FGD4: variants seen among roughly 807,000 people sequenced by gnomAD.
FGD4 encodes the protein FYVE, RhoGEF and PH domain-containing protein 4.
In FGD4, 42 loss-of-function variants were observed where a neutral mutation model predicts 102.0. The ratio of observed to expected loss-of-function variants is 0.41; its 90% CI spans 0.32 to 0.53. The LOEUF (loss-of-function observed/expected upper bound fraction) is 0.53. FGD4 is among the 20% of genes least tolerant of loss of function. The pLI, the probability that FGD4 is intolerant of heterozygous loss-of-function variation, is 0.21. For missense variants in FGD4, 902 were observed against 1,078.2 expected (o/e 0.84, Z 2.29); for synonymous variants, 380 against 375.7 (o/e 1.01, Z -0.13).
At chr12:32,412,382 A>G (rs939536807) in intron 1 of FGD4, among the ~76,000 whole-genome samples, 1 of 152,176 alleles carries the variant, frequency 6.6e-6, no homozygotes, top group African/African-American at 2.4e-5. Context: ...TCTATTCCTA[A>G]TACCTGTTGA....
intron 1 of FGD4, among the ~76,000 whole-genome samples, chr12:32,408,944 C>T (rs913679617): frequency 1.5e-4 from 23 of 152,138 alleles, no homozygotes; most frequent in Non-Finnish European, 2.9e-5. Context: ...CCCATCTGCC[C>T]TCTGGGAAGG....
rs1951122085 is a variant in FGD4 at position 32,640,798 on chromosome 12, T to G, written c.*265T>G. ...TATGTGCTTTTTTGTCTTGAAGAAA[T>G]GGTGTATCAATTGATTCTGTCACCG... On this transcript the variant is annotated 3_prime_UTR_variant, in exon 17 of 17. Transcript: ENST00000534526. 5.0e-6 allele frequency: 3 copies of G among 603,962 alleles called. No homozygotes were observed. The highest frequency in any genetic ancestry group is 8.8e-6 in the Non-Finnish European group (3 of 342,670). The allele number at this position is 603,962 out of a possible 1,614,324, so 37.4% of individuals were successfully genotyped here. A position where few individuals can be genotyped will look rare whatever the true frequency, so the allele number is the denominator to read the frequency against.
chr12:32,579,595 A>G (rs1048109236), intron 3 of FGD4: 1 of 152,254 alleles, frequency 6.6e-6, no homozygotes, highest in East Asian at 1.9e-4. Flanking sequence ...AATTTGTTTC[A>G]GAGGATCTGT....
At chr12:32,474,554 A>G (rs1237478488) in intron 1 of FGD4, among the ~76,000 whole-genome samples, 1 of 152,178 alleles carries the variant, frequency 6.6e-6, no homozygotes, top group Non-Finnish European at 1.5e-5. Flanking sequence ...TATAGACAGA[A>G]AGATTAGCGT....
intron 8 of FGD4, 59 bp from the exon 9 acceptor site, chr12:32,610,717 A>G (rs1949084474): frequency 2.7e-6 from 4 of 1,478,106 alleles, no homozygotes; most frequent in East Asian, 2.3e-5. Context: ...TTACTCAGCT[A>G]TATAGAAGCA....
rs906938970 is a variant in FGD4, at chr12:32,642,810, TAAAG to T, written c.*2280_*2283del. The T allele has an allele frequency of 3.9e-5, 6 of 152,440 alleles. No individual in the cohort carries two copies. Among genetic ancestry groups the T allele is most frequent in the African/African-American group, 1.4e-4 (6 of 41,446 alleles). The allele number at this position is 152,440 out of a possible 1,614,324, so 9.4% of individuals were successfully genotyped here. Reference sequence around the variant, plus strand: ...ACAGCCTTACCCGCTTCTCTCTTATTAAAGAATCACTGATGTTTTTACTCAATGA... The same window carrying T: ...ACAGCCTTACCCGCTTCTCTCTTATTAATCACTGATGTTTTTACTCAATGA... On this transcript the variant is annotated 3_prime_UTR_variant, in exon 17 of 17. Coordinates refer to ENST00000534526, the MANE Select transcript of FGD4 (RefSeq NM_001370298.3).
chr12:32,636,714 A>C (rs1950839498), intron 15 of FGD4, among the ~76,000 whole-genome samples: 1 of 152,030 alleles, frequency 6.6e-6, no homozygotes, highest in African/African-American at 2.4e-5. Flanking sequence ...AACATAAACC[A>C]TTTGCAGACC....
intron 1 of FGD4, among the ~76,000 whole-genome samples, chr12:32,441,167 G>A (rs1422538226): frequency 1.3e-5 from 2 of 152,168 alleles, no homozygotes; most frequent in Non-Finnish European, 2.9e-5. Flanking sequence ...TACCTAAGGT[G>A]CAAGATGAAG....
chr12:32,547,935 ACCTCAAGTGAT>A (rs1243644648), intron 1 of FGD4, among the ~76,000 whole-genome samples: 1 of 152,146 alleles, frequency 6.6e-6, no homozygotes, highest in Non-Finnish European at 1.5e-5. Flanking sequence ...CAAACTGCTG[ACCTCAAGTGAT>A]CCACCTGCCT....
At chr12:32,447,193 T>C (rs1282858550) in intron 1 of FGD4, among the ~76,000 whole-genome samples, 2 of 152,226 alleles carry the variant, frequency 1.3e-5, no homozygotes, top group Non-Finnish European at 2.9e-5. Context: ...TTTTTCTGTG[T>C]AGTGGAGCTG....
chr12:32,441,196 C>A (rs547942631), intron 1 of FGD4, among the ~76,000 whole-genome samples: 1 of 152,142 alleles, frequency 6.6e-6, no homozygotes, highest in Non-Finnish European at 1.5e-5. Context: ...ACTTTTCCCT[C>A]TGCTTTTCTC....
At chr12:32,613,232 G>A (rs959529725) in intron 10 of FGD4, among the ~76,000 whole-genome samples, 5 of 152,158 alleles carry the variant, frequency 3.3e-5, no homozygotes, top group African/African-American at 2.4e-5. Context: ...TGGGGGCTTA[G>A]AGGCTTCTGT....
intron 1 of FGD4, among the ~76,000 whole-genome samples, chr12:32,473,813 C>T (rs547645112): frequency 6.6e-6 from 1 of 151,978 alleles, no homozygotes; most frequent in Non-Finnish European, 1.5e-5. Context: ...GTGGACCGGG[C>T]GCGGTGGCTC....
At chr12:32,619,499 G>C (rs906704907) in intron 10 of FGD4, among the ~76,000 whole-genome samples, 199 bp from the exon 11 acceptor site, 3 of 152,142 alleles carry the variant, frequency 2.0e-5, no homozygotes, top group African/African-American at 7.2e-5. Flanking sequence ...GGACGTGGTG[G>C]CGGGTGCCTG....
chr12:32,458,877 A>G (rs533633434), intron 1 of FGD4, among the ~76,000 whole-genome samples: 6 of 152,350 alleles, frequency 3.9e-5, no homozygotes, highest in South Asian at 2.1e-4. Flanking sequence ...TAGGGATACA[A>G]TCCTCATTTT....
chr12:32,543,506 A>G (rs1943002027), intron 1 of FGD4, among the ~76,000 whole-genome samples: 1 of 152,192 alleles, frequency 6.6e-6, no homozygotes, highest in Admixed American at 6.5e-5. Flanking sequence ...GAGGCTACCT[A>G]GGGTTACGCC....
At chr12:32,482,795 A>C (rs2136550025) in intron 1 of FGD4, among the ~76,000 whole-genome samples, 1 of 152,298 alleles carries the variant, frequency 6.6e-6, no homozygotes, top group African/African-American at 2.4e-5. Context: ...ATTTTGACAA[A>C]CTTTGGGAGG....
At chr12:32,636,259 G>C (rs1329270296) in intron 15 of FGD4, among the ~76,000 whole-genome samples, 1 of 152,114 alleles carries the variant, frequency 6.6e-6, no homozygotes, top group Admixed American at 6.6e-5. Flanking sequence ...TCTGTGGCCA[G>C]GTGCGGTGTG....
intron 1 of FGD4, among the ~76,000 whole-genome samples, chr12:32,489,624 A>G (rs1461031539): frequency 6.6e-6 from 1 of 152,184 alleles, no homozygotes; most frequent in Non-Finnish European, 1.5e-5. Flanking sequence ...TTGATGATTG[A>G]TTCTGAGTGA....
Sources: gnomAD v4.1 joint callset for allele counts (sites outside exome capture counted in the v4.1 genomes callset) on GRCh38, gnomAD v4.1.1 for gene constraint, MANE v1.5 for transcripts, NCBI Gene and HGNC (gene_info 2026-07-23, HGNC 2026-07-21) for gene names.